The following GBP7 variants were observed in gnomAD, a reference collection of about 807,000 sequenced individuals.
The protein encoded by GBP7 is guanylate binding protein 7, also known as guanylate-binding protein 7.
GBP7 carries 43 observed loss-of-function variants against 61.3 expected under a neutral mutation model. The ratio of observed to expected loss-of-function variants is 0.70; its 90% CI spans 0.55 to 0.91. The LOEUF is 0.91. Among genes scored for constraint, GBP7 ranks in the 40% least tolerant of loss-of-function variants. The probability of loss-of-function intolerance (pLI) is 0.00; values close to 1 mark genes in which losing one functional copy is unlikely to be tolerated. For synonymous variants in GBP7, 267 were observed against 271.0 expected, an observed-to-expected ratio of 0.99 and a Z score of 0.14; for missense variants, 717 against 740.5, an observed-to-expected ratio of 0.97 and a Z score of 0.37.
rs144188187 is a variant in GBP7 at position 89,162,474 on chromosome 1, C to G, written c.318+2257G>C. On this transcript the variant is annotated intron_variant, in intron 3 of 10. Transcript: ENST00000294671. ...TCTTGGAGCAGTGGTTTGTAGTTCT[C>G]CTTGGAGAGGTCTTTTACCTCCCTA... Among the ~76,000 whole-genome samples, 8 of 152,238 alleles carry G rather than the reference C, an allele frequency of 5.3e-5. No individual in the cohort carries two copies. The East Asian group carries it at 1.5e-3, about 29-fold the overall frequency.
At chr1:89,141,006 A>G (rs1371248310) in intron 9 of GBP7, among the ~76,000 whole-genome samples, 1 of 152,146 alleles carries the variant, frequency 6.6e-6, no homozygotes, top group Non-Finnish European at 1.5e-5. Context: ...TTGAGTACAC[A>G]TGGACACAAA....
intron 8 of GBP7, among the ~76,000 whole-genome samples, chr1:89,143,364 A>G (rs1681995616): frequency 6.6e-6 from 1 of 152,206 alleles, no homozygotes; most frequent in African/African-American, 2.4e-5. Context: ...GAAGTAAAAA[A>G]TCATACTCAG....
Position 89,133,436 on chromosome 1 carries a change from T to C in GBP7, c.1484A>G (p.Lys495Arg). ...CTCCTGTTCCTTTTCAGCTGCCTCC[T>C]TCTTAGCCTGCTTAGCTGTTCCACC... is the stretch of plus-strand genomic sequence containing the variant. ...EKAIAAKQAK[K>R]EAAEKEQELL... The change falls in exon 10 of 11, where the codon AAG becomes AGG. Residue 495 changes from lysine (K) to arginine (R), a missense_variant. This residue lies in a region of GBP7 where 312 missense variants were observed against 310.1 expected (regional missense o/e 1.01). Transcript: ENST00000294671. 1 of 1,614,038 alleles carries C rather than the reference T, an allele frequency of 6.2e-7. No individual in the cohort carries two copies. Among genetic ancestry groups the C allele is most frequent in the Non-Finnish European group, 8.5e-7 (1 of 1,179,974 alleles).
intron 7 of GBP7, among the ~76,000 whole-genome samples, chr1:89,148,278 G>A (rs914685688): frequency 6.6e-6 from 1 of 152,176 alleles, no homozygotes; most frequent in African/African-American, 2.4e-5. Context: ...TTCTCAATAT[G>A]TACTAAGGGA....
intron 9 of GBP7, among the ~76,000 whole-genome samples, chr1:89,140,060 A>T (rs1681896789): frequency 6.6e-6 from 1 of 152,088 alleles, no homozygotes; most frequent in East Asian, 1.9e-4. Flanking sequence ...CAACAACGAT[A>T]GACTGGATTG....
intron 9 of GBP7, 34 bp from the exon 10 acceptor site, chr1:89,133,485 T>C (rs1189944733): frequency 6.3e-7 from 1 of 1,586,386 alleles, no homozygotes; most frequent in East Asian, 2.2e-5. Flanking sequence ...GGGAAGAAAA[T>C]AACAGTCAGG....
intron 7 of GBP7, 109 bp from the exon 8 acceptor site, chr1:89,147,888 T>TA (rs1682105636): frequency 9.1e-7 from 1 of 1,101,756 alleles, no homozygotes; most frequent in East Asian, 2.4e-5. Context: ...CAGGCTGAGT[T>TA]ACGGTGTAGA....
At chr1:89,154,172 A>G (rs915795653) in intron 3 of GBP7, among the ~76,000 whole-genome samples, 5 of 152,192 alleles carry the variant, frequency 3.3e-5, no homozygotes, top group African/African-American at 1.2e-4. Context: ...TTGAACAGTC[A>G]TACTTTTGCA....
At chr1:89,147,138 ATTCAT>A (rs535819194) in intron 8 of GBP7, among the ~76,000 whole-genome samples, 59 of 152,228 alleles carry the variant, frequency 3.9e-4, no homozygotes, top group Non-Finnish European at 5.9e-4. Flanking sequence ...TCTATGAACC[ATTCAT>A]TTCATCATCA....
intron 3 of GBP7, among the ~76,000 whole-genome samples, chr1:89,161,845 A>G (rs1483283080): frequency 6.6e-6 from 1 of 152,096 alleles, no homozygotes; most frequent in African/African-American, 2.4e-5. Flanking sequence ...ATCTTTGCCC[A>G]TGCCTATGTC....
intron 9 of GBP7, among the ~76,000 whole-genome samples, chr1:89,135,903 G>T (rs115242083): frequency 0.02 from 3,009 of 152,204 alleles, 98 homozygotes; most frequent in African/African-American, 0.067. Flanking sequence ...AACTGTCTTC[G>T]ATGTTCAAGA....
intron 3 of GBP7, among the ~76,000 whole-genome samples, chr1:89,163,760 G>A (rs1176391618): frequency 1.3e-5 from 2 of 152,076 alleles, no homozygotes; most frequent in Non-Finnish European, 2.9e-5. Context: ...AGAAGTCAGT[G>A]ATGACTACAT....
At chr1:89,158,222 G>C (rs985273832) in intron 3 of GBP7, among the ~76,000 whole-genome samples, 3 of 152,142 alleles carry the variant, frequency 2.0e-5, no homozygotes, top group African/African-American at 7.2e-5. Context: ...AAAATAATAA[G>C]AGCTATTTAT....
chr1:89,162,065 C>A (rs1352837680), intron 3 of GBP7, among the ~76,000 whole-genome samples: 1 of 140,726 alleles, frequency 7.1e-6, no homozygotes, highest in African/African-American at 2.7e-5. Context: ...TCAGGTTTGT[C>A]AAAGATCAGA....
In GBP7 at chr1:89,164,794, G is replaced by A. The variant is rs1197297964; in HGVS notation, c.255C>T (p.His85=). ...TKGIWMWCVP[H]PSKPNHTLIL... ...TCAGGGTGTGGTTTGGCTTGGAGGG[G>A]TGGGGCACACACCACATCCAGATGC... Residue 85 remains histidine (H), a synonymous_variant, in exon 3 of 11, where the codon CAC becomes CAT. Coordinates refer to ENST00000294671, the MANE Select transcript of GBP7 (RefSeq NM_207398.3). The A allele has an allele frequency of 1.2e-6, 2 of 1,613,872 alleles. No homozygotes were observed. The highest frequency in any genetic ancestry group is 1.3e-5 in the African/African-American group (1 of 75,016).
At chr1:89,174,976 C>T (rs116157385) in intron 1 of GBP7, among the ~76,000 whole-genome samples, 48 of 152,170 alleles carry the variant, frequency 3.2e-4, no homozygotes, top group African/African-American at 1.2e-3. Context: ...CTATCTTTAT[C>T]CAGGGCTTGA....
At chr1:89,144,629 T>C (rs1682024878) in intron 8 of GBP7, among the ~76,000 whole-genome samples, 1 of 152,196 alleles carries the variant, frequency 6.6e-6, no homozygotes, top group South Asian at 2.1e-4. Context: ...GTAAAAATTA[T>C]GTTTAAGAGG....
intron 3 of GBP7, among the ~76,000 whole-genome samples, chr1:89,160,039 G>A (rs1242312864): frequency 6.6e-6 from 1 of 152,054 alleles, no homozygotes; most frequent in East Asian, 1.9e-4. Context: ...CCATAGAAAA[G>A]GATGAGTTCA....
In GBP7 at chr1:89,133,437, T is replaced by C. The variant is rs377097410; in HGVS notation, c.1483A>G (p.Lys495Glu). ...EKAIAAKQAK[K>E]EAAEKEQELL... ...TCCTGTTCCTTTTCAGCTGCCTCCTTCTTAGCCTGCTTAGCTGTTCCACCG... is the reference window on the plus strand; with the variant it reads ...TCCTGTTCCTTTTCAGCTGCCTCCTCCTTAGCCTGCTTAGCTGTTCCACCG... Residue 495 changes from lysine (K) to glutamate (E), a missense_variant, in exon 10 of 11, where the codon AAG becomes GAG. By Grantham distance (56) the Lys-to-Glu change is moderately conservative (BLOSUM62 1). Transcript: ENST00000294671. The C allele has an allele frequency of 9.9e-6, 16 of 1,613,836 alleles. No individual in the cohort carries two copies. In the African/African-American group the frequency reaches 1.3e-4, roughly 13 times the overall value.
Sources: allele counts gnomAD v4.1 joint callset (sites outside exome capture counted in the v4.1 genomes callset), GRCh38; gene constraint gnomAD v4.1.1; regional missense constraint gnomAD v4.1.1; transcripts MANE v1.5; gene names NCBI Gene and HGNC (gene_info 2026-07-23, HGNC 2026-07-21).